The following CDHR2 variants were observed in gnomAD, a reference collection of about 807,000 sequenced individuals.
CDHR2 encodes cadherin related family member 2, also known as cadherin-related family member 2.
Under a neutral mutation model 138.6 loss-of-function variants are expected in CDHR2, and 104 were observed. That is an observed-to-expected ratio of 0.75 (90% CI 0.64 to 0.88). The LOEUF (loss-of-function observed/expected upper bound fraction) is 0.88. Ranked by LOEUF, CDHR2 falls within the 40% of genes least tolerant of loss-of-function variation. CDHR2 has a pLI of 0.00. For missense variants in CDHR2, 1,624 were observed against 1,727.6 expected (o/e 0.94, Z 1.06); for synonymous variants, 755 against 742.8 (o/e 1.02, Z -0.27).
In CDHR2 at chr5:176,584,981, C is replaced by T. The variant is rs895170147; in HGVS notation, c.2700C>T (p.Ala900=). ...TGGTTGTGCGGGCCTGTGACCTAGCCACGGACCCCGGCTTCCAGGCCTACA... is the reference window on the plus strand; with the variant it reads ...TGGTTGTGCGGGCCTGTGACCTAGCTACGGACCCCGGCTTCCAGGCCTACA... The part of the protein sequence containing the change: ...VTLVVRACDL[A]TDPGFQAYSN... The change falls in exon 19 of 32, where the codon GCC becomes GCT. Residue 900 remains alanine, a synonymous_variant. Transcript: ENST00000261944. 9.7e-6 allele frequency: 15 copies of T among 1,551,710 alleles called. No homozygotes were observed. The highest frequency in any genetic ancestry group is 1.3e-5 in the Non-Finnish European group (15 of 1,145,460).
At chr5:176,575,696 C>T in intron 10 of CDHR2, 28 bp from the exon 11 acceptor site, 2 of 1,585,102 alleles carry the variant, frequency 1.3e-6, no homozygotes, top group South Asian at 2.2e-5. Context: ...AGCAGCTGTT[C>T]CAGCTGTTCC....
chr5:176,576,247 C>T lies in CDHR2; in HGVS notation c.1194+62C>T, dbSNP rs747254801. 73 of 1,320,154 alleles carry T rather than the reference C, an allele frequency of 5.5e-5. No individual in the cohort carries two copies. The highest frequency in any genetic ancestry group is 2.2e-4 in the Middle Eastern group (1 of 4,512). The allele number at this position is 1,320,154 out of a possible 1,614,324, so 81.8% of individuals were successfully genotyped here. A position where few individuals can be genotyped will look rare whatever the true frequency, so the allele number is the denominator to read the frequency against. The stretch of plus-strand genomic sequence containing the variant: ...GGGGGAGGCCAGTGGGAGCCTGGAT[C>T]GAGTGACGGTGTCATGTGGTGCTGG... On this transcript the variant is annotated intron_variant, in intron 12 of 31. Transcript: ENST00000261944. This position sits in a 1 kb window ranked among gnomAD's most constrained non-coding sequence, Gnocchi z 4.5.
chr5:176,592,637 ATGGTGG>A, intron 30 of CDHR2, 80 bp from the exon 31 acceptor site: 2 of 1,016,280 alleles, frequency 2.0e-6, no homozygotes, highest in Non-Finnish European at 3.1e-6. Context: ...GGTGATGGTG[ATGGTGG>A]TGATGGAGGT....
Position 176,565,776 on chromosome 5 carries a change from A to G in CDHR2, c.124+33A>G, listed in dbSNP as rs199508761. ...CCGGTCCCTGTGTCTGCCCCATGTC[A>G]GGTCCTGACCCACAGGAAAGTCCTG... On this transcript the variant is annotated intron_variant, in intron 3 of 31. Transcript: ENST00000261944. The G allele has an allele frequency of 8.7e-5, 138 of 1,583,344 alleles. No individual in the cohort carries two copies. In the African/African-American group the frequency reaches 1.8e-3, roughly 20 times the overall value.
In CDHR2 at chr5:176,584,553, C is replaced by T. The variant is rs1758608523; in HGVS notation, c.2272C>T (p.Leu758Phe). ...VLGAGWAEGY[L>F]RLPPDVSLDY... ...GGGGGCTGGGTGGGCTGAGGGCTAC[C>T]TCCGGCTGCCCCCGGACGTGAGCCT... Residue 758 changes from leucine to phenylalanine, a missense_variant, in exon 19 of 32, where the codon CTC (leucine) becomes TTC (phenylalanine). Physicochemically the swap from Leu to Phe is conservative, Grantham distance 22. Coordinates refer to ENST00000261944, the MANE Select transcript of CDHR2 (RefSeq NM_017675.6). The T allele has an allele frequency of 4.3e-6, 7 of 1,612,498 alleles. No individual in the cohort carries two copies. Among genetic ancestry groups the T allele is most frequent in the Non-Finnish European group, 5.9e-6 (7 of 1,179,048 alleles).
chr5:176,542,629 C>G (rs1288811011), exon 1 of CDHR2: 1 of 152,262 alleles, frequency 6.6e-6, no homozygotes, highest in South Asian at 2.1e-4. Flanking sequence ...CTCCATCTTA[C>G]TCGTCCTCCT....
Position 176,594,674 on chromosome 5 carries a change from CT to C in CDHR2, c.3793-857del, listed in dbSNP as rs1259087166. Among the ~76,000 whole-genome samples the C allele has an allele frequency of 5.9e-5, 9 of 152,338 alleles. No individual in the cohort carries two copies. In the East Asian group the frequency reaches 1.4e-3, roughly 23 times the overall value. On this transcript the variant is annotated intron_variant, in intron 31 of 31. Transcript: ENST00000261944. ...AACACAGGCAGAATGCTTAGCCCCT[CT>C]GGGGCCCCTCGGATGTTCCACTGTT...
At chr5:176,580,073 A>G (rs768093374) in intron 16 of CDHR2, among the ~76,000 whole-genome samples, 52 of 151,736 alleles carry the variant, frequency 3.4e-4, no homozygotes, top group Admixed American at 2.0e-4. Flanking sequence ...CCAAAGACAA[A>G]CCAAGCATGC....
chr5:176,595,160 C>T lies in CDHR2; in HGVS notation c.3793-372C>T, dbSNP rs146823693. ...GTGGGTAGTTGAGGTAATGGATGGA[C>T]CTCAACCCACACGGTGCCTGCCGTG... On this transcript the variant is annotated intron_variant, in intron 31 of 31. Transcript: ENST00000261944. Among the ~76,000 whole-genome samples the T allele has an allele frequency of 3.8e-3, 571 of 152,260 alleles. 15 individuals are homozygous for T. Among genetic ancestry groups the T allele is most frequent in the Non-Finnish European group, 2.0e-3 (136 of 68,012 alleles).
chr5:176,557,707 TTTC>T (rs1554141207), intron 1 of CDHR2, among the ~76,000 whole-genome samples: 6 of 145,618 alleles, frequency 4.1e-5, no homozygotes, highest in East Asian at 2.0e-4. Flanking sequence ...TCTTTCTTTC[TTTC>T]TTTTTTTTTT....
intron 6 of CDHR2, 88 bp downstream of exon 6, chr5:176,571,390 A>G: frequency 1.1e-6 from 1 of 945,314 alleles, no homozygotes; most frequent in Non-Finnish European, 1.5e-6. Flanking sequence ...TCAGTGGGGC[A>G]TTCAGAGTTG....
chr5:176,589,487 A>C, intron 23 of CDHR2, 41 bp from the exon 24 acceptor site: 1 of 1,612,498 alleles, frequency 6.2e-7, no homozygotes, highest in Non-Finnish European at 8.5e-7. Context: ...GCCAGCCCCC[A>C]GGGTCCCTGG....
intron 1 of CDHR2, among the ~76,000 whole-genome samples, chr5:176,560,414 A>G (rs1477904322): frequency 6.6e-6 from 1 of 152,122 alleles, no homozygotes; most frequent in East Asian, 1.9e-4. Context: ...AAATTAAAAA[A>G]AAAAAAAGAC....
At chr5:176,592,845 G>A in intron 31 of CDHR2, 65 bp downstream of exon 31, 1 of 1,409,670 alleles carries the variant, frequency 7.1e-7, no homozygotes, top group Non-Finnish European at 1.0e-6. Flanking sequence ...AGGCTTCAGG[G>A]CAGAGCTCAA....
chr5:176,590,221 G>A (rs375852068), intron 25 of CDHR2, 32 bp from the exon 26 acceptor site: 2 of 1,613,574 alleles, frequency 1.2e-6, no homozygotes, highest in Non-Finnish European at 1.7e-6. Context: ...GGTGATCCAG[G>A]CTCCTGACTC....
At chr5:176,593,398 C>T (rs140272723) in intron 31 of CDHR2, among the ~76,000 whole-genome samples, 248 of 152,332 alleles carry the variant, frequency 1.6e-3, no homozygotes, top group African/African-American at 5.3e-3. Context: ...TCTGATGGCC[C>T]ACGTGGAGCC....
At chr5:176,586,886 G>A (rs1417272029) in intron 21 of CDHR2, 44 bp downstream of exon 21, 5 of 1,555,976 alleles carry the variant, frequency 3.2e-6, no homozygotes, top group East Asian at 2.3e-5. Flanking sequence ...TGAGCCCCAG[G>A]GGACACAGGG....
intron 1 of CDHR2, among the ~76,000 whole-genome samples, chr5:176,550,670 C>G (rs1469300105): frequency 2.6e-5 from 4 of 152,238 alleles, no homozygotes; most frequent in Non-Finnish European, 5.9e-5. Context: ...GCATGGCGAG[C>G]TGGCCGTGTA....
At chr5:176,561,543 G>A (rs562564393) in intron 1 of CDHR2, among the ~76,000 whole-genome samples, 1 of 152,228 alleles carries the variant, frequency 6.6e-6, no homozygotes, top group South Asian at 2.1e-4. Flanking sequence ...GGTGTATGCA[G>A]CATCCTGTGA....
Sources: gnomAD v4.1 joint callset for allele counts (sites outside exome capture counted in the v4.1 genomes callset) on GRCh38, gnomAD v4.1.1 for gene constraint, Gnocchi (gnomAD v3.1) non-coding constraint, MANE v1.5 for transcripts, NCBI Gene and HGNC (gene_info 2026-07-23, HGNC 2026-07-21) for gene names.